ZNF692: variants seen among roughly 807,000 people sequenced by gnomAD.
ZNF692 encodes the protein zinc finger protein 692, also known as AICAR responsive element binding protein.
Under a neutral mutation model 49.0 loss-of-function variants are expected in ZNF692, and 41 were observed. That is an observed-to-expected ratio of 0.84 (90% CI 0.65 to 1.08). The LOEUF (loss-of-function observed/expected upper bound fraction) is 1.08, where lower values mean the gene tolerates loss of function less well. ZNF692 is among the 50% of genes least tolerant of loss of function. ZNF692 has a pLI of 0.00. For missense variants in ZNF692, 662 were observed against 662.2 expected (o/e 1.00, Z 0.00); for synonymous variants, 288 against 251.5 (o/e 1.15, Z -1.37).
At chr1:248,856,008 C>G in intron 6 of ZNF692, 62 bp from the exon 7 acceptor site, 3 of 1,517,724 alleles carry the variant, frequency 2.0e-6, no homozygotes, top group African/African-American at 1.4e-5. Context: ...ATCCCCTGCC[C>G]GACCCTAGCC....
intron 10 of ZNF692, among the ~76,000 whole-genome samples, chr1:248,851,963 C>T (rs2103042676): frequency 6.6e-6 from 1 of 152,266 alleles, no homozygotes; most frequent in East Asian, 1.9e-4. Flanking sequence ...TCTTTGTTGC[C>T]TTCTTTCATT....
Position 248,858,851 on chromosome 1 carries a change from T to A in ZNF692, c.-13+67A>T. 2.1e-6 allele frequency: 1 copy of A among 468,422 alleles called. No individual in the cohort carries two copies. Among genetic ancestry groups the A allele is most frequent in the Admixed American group, 3.4e-5 (1 of 29,752 alleles). 29.0% of individuals were successfully genotyped at this position (468,422 alleles called of 1,614,324 possible). On this transcript the variant is annotated intron_variant, in intron 1 of 11. Transcript: ENST00000306601. The surrounding 1 kb of genome is among the most constrained non-coding windows in gnomAD (Gnocchi z 4.3). ...AATGCTGACAGTGAGTGGAGCGGAC[T>A]AATCCCAATGGCAGTTCCCAGGCTG...
chr1:248,854,485 T>TC (rs1216603474), intron 9 of ZNF692: 1 of 166,418 alleles, frequency 6.0e-6, no homozygotes, highest in Non-Finnish European at 1.3e-5. Context: ...CAACAGTATC[T>TC]CCCCAACTGC....
intron 10 of ZNF692, 87 bp from the exon 11 acceptor site, chr1:248,850,868 T>G: frequency 1.7e-6 from 2 of 1,148,344 alleles, no homozygotes; most frequent in Non-Finnish European, 2.5e-6. Context: ...CTCACCAGAG[T>G]GCACCGTATT....
intron 10 of ZNF692, among the ~76,000 whole-genome samples, chr1:248,851,935 G>C (rs1335771640): frequency 1.3e-5 from 2 of 152,184 alleles, no homozygotes; most frequent in Non-Finnish European, 2.9e-5. Context: ...TCCCCGCTCA[G>C]CTACATTTCC....
In ZNF692 at chr1:248,858,794, C is replaced by T. The variant is rs926556495; in HGVS notation, c.-13+124G>A. 2 of 585,032 alleles carry T rather than the reference C, an allele frequency of 3.4e-6. No individual in the cohort carries two copies. The highest frequency in any genetic ancestry group is 5.9e-5 in the Admixed American group (2 of 34,010). 36.2% of individuals were successfully genotyped at this position (585,032 alleles called of 1,614,324 possible). On this transcript the variant is annotated intron_variant, in intron 1 of 11. Coordinates refer to ENST00000306601, the MANE Select transcript of ZNF692 (RefSeq NM_017865.4). The surrounding 1 kb of genome is among the most constrained non-coding windows in gnomAD (Gnocchi z 4.3). Reference sequence around the variant, plus strand: ...CGTGGTCAGAGGTCTGGAGGGCGCCCCCCATCCACCCCGTCTTGGGCACCC... The same window carrying T: ...CGTGGTCAGAGGTCTGGAGGGCGCCTCCCATCCACCCCGTCTTGGGCACCC...
chr1:248,857,982 C>T (rs1387341773), intron 2 of ZNF692, 123 bp from the exon 3 acceptor site: 1 of 1,551,978 alleles, frequency 6.4e-7, no homozygotes. Flanking sequence ...AGGAGGGGAG[C>T]AGGACCCTCG....
In ZNF692 at chr1:248,850,726, G is replaced by T. The variant is rs372182193; in HGVS notation, c.1209C>A (p.Asn403Lys). 8 of 1,614,070 alleles carry T rather than the reference G, an allele frequency of 5.0e-6. No individual in the cohort carries two copies. Among genetic ancestry groups the T allele is most frequent in the Non-Finnish European group, 6.8e-6 (8 of 1,179,996 alleles). ...TGTGGATACGTCTGTGGATGACAAGGTTGCTGCTAGTGCGGAAAGACCGGG... is the reference window on the plus strand; with the variant it reads ...TGTGGATACGTCTGTGGATGACAAGTTTGCTGCTAGTGCGGAAAGACCGGG... ...FCARSFRTSS[N>K]LVIHRRIHTG... The change falls in exon 11 of 12, where the codon AAC becomes AAA. Residue 403 changes from asparagine (N) to lysine (K), a missense_variant. Coordinates refer to ENST00000306601, the MANE Select transcript of ZNF692 (RefSeq NM_017865.4).
rs1268114783 is a variant in ZNF692, at chr1:248,858,274, C to A, written c.36G>T (p.Arg12Ser). 4 of 1,583,128 alleles carry A rather than the reference C, an allele frequency of 2.5e-6. No individual in the cohort carries two copies. The highest frequency in any genetic ancestry group is 3.4e-6 in the Non-Finnish European group (4 of 1,163,304). The change falls in exon 2 of 12, where the codon AGG becomes AGT. Residue 12 changes from arginine to serine, a missense_variant. Physicochemically the swap from Arg to Ser is moderately radical, Grantham distance 110. Coordinates refer to ENST00000306601, the MANE Select transcript of ZNF692 (RefSeq NM_017865.4). This position sits in a 1 kb window ranked among gnomAD's most constrained non-coding sequence, Gnocchi z 4.3. ...ASSPAVDVSCRRREKRRQLDA... is the reference protein window; with the variant it reads ...ASSPAVDVSCSRREKRRQLDA... Reference sequence around the variant, plus strand: ...CCAGCTGCCGCCGCTTCTCCCGCCGCCTGCAGGACACGTCCACCGCCGGGG... The same window carrying A: ...CCAGCTGCCGCCGCTTCTCCCGCCGACTGCAGGACACGTCCACCGCCGGGG...
intron 9 of ZNF692, among the ~76,000 whole-genome samples, chr1:248,854,886 T>C (rs1660050122): frequency 6.6e-6 from 1 of 150,942 alleles, no homozygotes; most frequent in African/African-American, 2.5e-5. Flanking sequence ...CATTCTCCCC[T>C]GTCTGTCTAC....
At chr1:248,856,654 CTCTTT>C (rs1660271378) in intron 4 of ZNF692, 92 bp from the exon 5 acceptor site, 8 of 1,505,762 alleles carry the variant, frequency 5.3e-6, no homozygotes, top group African/African-American at 1.4e-5. Context: ...TGGGAGACTC[CTCTTT>C]TTTTTTTAAA....
rs933942762 is a variant in ZNF692, at chr1:248,850,148, T to G, written c.*62A>C. The G allele has an allele frequency of 3.6e-5, 54 of 1,495,060 alleles. No homozygotes were observed. Among genetic ancestry groups the G allele is most frequent in the Middle Eastern group, 2.4e-4 (1 of 4,158 alleles). 92.6% of individuals were successfully genotyped at this position (1,495,060 alleles called of 1,614,324 possible). Reference sequence around the variant, plus strand: ...TCTGGCATTTCTCAAGCAGACCCTCTCCTTGTTGCTCCTTTTCAGTCCCTG... The same window carrying G: ...TCTGGCATTTCTCAAGCAGACCCTCGCCTTGTTGCTCCTTTTCAGTCCCTG... On this transcript the variant is annotated 3_prime_UTR_variant, in exon 12 of 12. Transcript: ENST00000306601.
At position 248,857,480 on chromosome 1, in the gene ZNF692, G is replaced by A. The variant is rs1421595372; in HGVS notation, c.229C>T (p.Pro77Ser). ...AGCACCAGATACTGCAGACCTTTTG[G>A]AGGCAAAGGCTCAGGACCTGGAGGG... ...VLCAGPEPLPPKGLQYLVLLS... is the reference protein window; with the variant it reads ...VLCAGPEPLPSKGLQYLVLLS... Residue 77 changes from proline to serine, a missense_variant, in exon 4 of 12, where the codon CCA (proline) becomes TCA (serine). Coordinates refer to ENST00000306601, the MANE Select transcript of ZNF692 (RefSeq NM_017865.4). The A allele has an allele frequency of 1.9e-6, 3 of 1,613,616 alleles. No individual in the cohort carries two copies. The highest frequency in any genetic ancestry group is 2.5e-6 in the Non-Finnish European group (3 of 1,179,832).
chr1:248,857,378 C>T lies in ZNF692; in HGVS notation c.331G>A (p.Val111Met). The change falls in exon 4 of 12, where the codon GTG becomes ATG. Residue 111 changes from valine to methionine, a missense_variant. By Grantham distance (21) the Val-to-Met change is conservative (BLOSUM62 1). Coordinates refer to ENST00000306601, the MANE Select transcript of ZNF692 (RefSeq NM_017865.4). ...GTATGGCCTGCTGAGCACTCCCACA[C>T]AAGCCCCCCATCTTGGCCGCCAGGC... is the stretch of plus-strand genomic sequence containing the variant. The part of the protein sequence containing the change: ...RGPGGQDGGL[V>M]WECSAGHTFS... 5 of 1,614,202 alleles carry T rather than the reference C, an allele frequency of 3.1e-6. No individual in the cohort carries two copies. The highest frequency in any genetic ancestry group is 4.2e-6 in the Non-Finnish European group (5 of 1,180,016).
chr1:248,850,416 A>G lies in ZNF692; in HGVS notation c.1354T>C (p.Phe452Leu), dbSNP rs772516879. 3.1e-6 allele frequency: 5 copies of G among 1,614,038 alleles called. No individual in the cohort carries two copies. The highest frequency in any genetic ancestry group is 3.3e-5 in the Admixed American group (2 of 60,000). Reference protein sequence around the residue: ...TVAALRFPCEFCGKRFEKPDS... With the variant: ...TVAALRFPCELCGKRFEKPDS... ...GGCTTCTCAAAGCGCTTGCCGCAGA[A>G]TTCACAGGGGAAGCGCAAGGCAGCC... The change falls in exon 12 of 12, where the codon TTC (phenylalanine) becomes CTC (leucine). Residue 452 changes from phenylalanine to leucine, a missense_variant. Coordinates refer to ENST00000306601, the MANE Select transcript of ZNF692 (RefSeq NM_017865.4).
chr1:248,851,610 C>T (rs766446613), intron 10 of ZNF692, among the ~76,000 whole-genome samples: 4 of 152,084 alleles, frequency 2.6e-5, no homozygotes, highest in Non-Finnish European at 5.9e-5. Flanking sequence ...ATCCACACAA[C>T]TCTAGGTTCA....
chr1:248,857,295 G>A lies in ZNF692; in HGVS notation c.414C>T (p.Ser138=), dbSNP rs1660353270. 1 of 1,614,050 alleles carries A rather than the reference G, an allele frequency of 6.2e-7. No individual in the cohort carries two copies. Among genetic ancestry groups the A allele is most frequent in the Admixed American group, 1.7e-5 (1 of 60,002 alleles). ...PTPSEAPKPA[S]LPHTTRRSWC... ...AACTTCTCCGAGTAGTATGTGGAAGGGAGGCTGGCTTGGGTGCCTCTGAAG... is the reference window on the plus strand; with the variant it reads ...AACTTCTCCGAGTAGTATGTGGAAGAGAGGCTGGCTTGGGTGCCTCTGAAG... Residue 138 remains serine, a synonymous_variant, in exon 4 of 12, where the codon TCC becomes TCT. Transcript: ENST00000306601.
At chr1:248,850,910 G>A (rs777092587) in intron 10 of ZNF692, 129 bp from the exon 11 acceptor site, 28 of 832,048 alleles carry the variant, frequency 3.4e-5, no homozygotes, top group Non-Finnish European at 4.6e-5. Context: ...CTAATTAGTT[G>A]TTATCCAAAT....
Position 248,858,199 on chromosome 1 carries a change from C to T in ZNF692, c.111G>A (p.Gln37=). 1 of 1,592,304 alleles carries T rather than the reference C, an allele frequency of 6.3e-7. No homozygotes were observed. The highest frequency in any genetic ancestry group is 8.5e-7 in the Non-Finnish European group (1 of 1,171,388). The change falls in exon 2 of 12, where the codon CAG becomes CAA. Residue 37 remains glutamine, a synonymous_variant. Transcript: ENST00000306601. The surrounding 1 kb of genome is among the most constrained non-coding windows in gnomAD (Gnocchi z 4.3). The part of the protein sequence containing the change: ...CRIRLGGHME[Q]WCLLKERLGF... ...CCAGCCGCTCCTTGAGGAGGCACCA[C>T]TGCTCCATGTGGCCGCCCAGGCGGA...
Sources: allele counts gnomAD v4.1 joint callset (sites outside exome capture counted in the v4.1 genomes callset), GRCh38; gene constraint gnomAD v4.1.1; non-coding constraint Gnocchi (gnomAD v3.1); transcripts MANE v1.5; gene names NCBI Gene and HGNC (gene_info 2026-07-23, HGNC 2026-07-21).